PRDM16: variants seen among roughly 807,000 people sequenced by gnomAD.
PRDM16 encodes histone-lysine N-methyltransferase PRDM16.
In PRDM16, 23 loss-of-function variants were observed where a neutral mutation model predicts 110.6. The ratio of observed to expected loss-of-function variants is 0.21; its 90% confidence interval spans 0.15 to 0.29. The LOEUF is 0.29. Ranked by LOEUF, PRDM16 falls within the 10% of genes least tolerant of loss-of-function variation. The pLI is 1.00. For synonymous variants in PRDM16, 799 were observed against 781.8 expected (o/e 1.02, Z -0.37); for missense variants, 1,615 against 1,794.3 (o/e 0.90, Z 1.81).
At chr1:3,247,613 CCT>C (rs2100920194) in intron 3 of PRDM16, among the ~76,000 whole-genome samples, 1 of 152,378 alleles carries the variant, frequency 6.6e-6, no homozygotes, top group South Asian at 2.1e-4. Context: ...TCCCGCGTTC[CCT>C]CTGTCTCACA....
At chr1:3,285,560 G>T (rs1178768839) in intron 3 of PRDM16, among the ~76,000 whole-genome samples, 2 of 152,190 alleles carry the variant, frequency 1.3e-5, no homozygotes, top group South Asian at 2.1e-4. Context: ...GGAGCTTGGA[G>T]CTGTGACATG....
At chr1:3,134,914 G>A (rs1379026214) in intron 1 of PRDM16, among the ~76,000 whole-genome samples, 1 of 152,206 alleles carries the variant, frequency 6.6e-6, no homozygotes, top group East Asian at 1.9e-4. Context: ...ATCGGGCCGG[G>A]TATTAGCCGG....
rs551275903 is a variant in PRDM16, at chr1:3,435,950, G to A, written c.*2139G>A. On this transcript the variant is annotated 3_prime_UTR_variant, in exon 17 of 17. Coordinates refer to ENST00000270722, the MANE Select transcript of PRDM16 (RefSeq NM_022114.4). Reference sequence around the variant, plus strand: ...CATGGGGTGGCCCCGCCGGGGCAGCGGGGGAGCTGCCTGCAGAAGAGCCAG... The same window carrying A: ...CATGGGGTGGCCCCGCCGGGGCAGCAGGGGAGCTGCCTGCAGAAGAGCCAG... 4.1e-4 allele frequency: 94 copies of A among 230,542 alleles called. 1 individual carries two copies. Among genetic ancestry groups the A allele is most frequent in the East Asian group, 3.7e-3 (60 of 16,270 alleles). 14.3% of individuals were successfully genotyped at this position (230,542 alleles called of 1,614,324 possible). A position where few individuals can be genotyped will look rare whatever the true frequency, so the allele number is the denominator to read the frequency against.
Position 3,402,810 on chromosome 1 carries a change from T to C in PRDM16, c.696T>C (p.Cys232=), listed in dbSNP as rs777030346. The C allele has an allele frequency of 6.2e-7, 1 of 1,612,382 alleles. No individual in the cohort carries two copies. The highest frequency in any genetic ancestry group is 2.2e-5 in the East Asian group (1 of 44,830). ...TTGCAGAGGAGCCCACGTTCCGCTG[T>C]GACGAGTGTGACGAACTCTTCCAGT... is the stretch of plus-strand genomic sequence containing the variant. ...PGLDEEPTFR[C]DECDELFQSK... Residue 232 remains cysteine, a synonymous_variant, in exon 6 of 17, where the codon TGT becomes TGC. Transcript: ENST00000270722.
rs1010115277 is a variant in PRDM16, at chr1:3,290,810, C to T, written c.438+46673C>T. Among the ~76,000 whole-genome samples the T allele has an allele frequency of 8.5e-5, 13 of 152,098 alleles. No homozygotes were observed. The highest frequency in any genetic ancestry group is 1.2e-4 in the African/African-American group (5 of 41,506). ...ACGAGATCCCTGAAACGGGATACGC[C>T]GAGCTGAACTTGGCCACATAATGCC... On this transcript the variant is annotated intron_variant, in intron 3 of 16. Coordinates refer to ENST00000270722, the MANE Select transcript of PRDM16 (RefSeq NM_022114.4). The surrounding 1 kb of genome is among the most constrained non-coding windows in gnomAD (Gnocchi z 4.8).
At chr1:3,364,820 G>A (rs1642781205) in intron 3 of PRDM16, among the ~76,000 whole-genome samples, 1 of 152,252 alleles carries the variant, frequency 6.6e-6, no homozygotes, top group Admixed American at 6.5e-5. Flanking sequence ...CCCCGAGCAG[G>A]ACACGTTGCT....
chr1:3,431,721 C>T (rs1638774282), intron 15 of PRDM16, among the ~76,000 whole-genome samples: 2 of 152,196 alleles, frequency 1.3e-5, no homozygotes, highest in African/African-American at 4.8e-5. Flanking sequence ...CCTGAGCCCC[C>T]TGCCTGCTGC....
rs1640275177 is a variant in PRDM16 at position 3,265,865 on chromosome 1, T to G, written c.438+21728T>G. ...CAGGTCCTTCGCTCTCTATGATCCCTTTACGGTCGTGCAGTGCTCCCCAGG... is the reference window on the plus strand; with the variant it reads ...CAGGTCCTTCGCTCTCTATGATCCCGTTACGGTCGTGCAGTGCTCCCCAGG... On this transcript the variant is annotated intron_variant, in intron 3 of 16. Coordinates refer to ENST00000270722, the MANE Select transcript of PRDM16 (RefSeq NM_022114.4). This position sits in a 1 kb window ranked among gnomAD's most constrained non-coding sequence, Gnocchi z 4.5. Among the ~76,000 whole-genome samples, 1 of 152,100 alleles carries G rather than the reference T, an allele frequency of 6.6e-6. No homozygotes were observed.
chr1:3,138,003 T>A (rs551482211), intron 1 of PRDM16, among the ~76,000 whole-genome samples: 49 of 152,176 alleles, frequency 3.2e-4, no homozygotes, highest in Non-Finnish European at 6.8e-4. Context: ...CGGAGGGGCC[T>A]GTGTGCAGAG....
chr1:3,385,351 G>A, intron 4 of PRDM16, 65 bp downstream of exon 4: 1 of 1,566,436 alleles, frequency 6.4e-7, no homozygotes, highest in South Asian at 1.1e-5. Context: ...GTGGCACCAA[G>A]ATTGGTGGAG....
intron 3 of PRDM16, among the ~76,000 whole-genome samples, chr1:3,262,782 C>T (rs994747736): frequency 2.6e-5 from 4 of 151,356 alleles, no homozygotes; most frequent in South Asian, 2.1e-4. Context: ...GTCCCAGGGA[C>T]GACACCTGCG....
At chr1:3,219,192 C>T (rs1183058813) in intron 2 of PRDM16, among the ~76,000 whole-genome samples, 3 of 152,244 alleles carry the variant, frequency 2.0e-5, no homozygotes, top group African/African-American at 2.4e-5. Flanking sequence ...ACGGCTCCCT[C>T]GGCAAACATT....
rs530341456 is a variant in PRDM16, at chr1:3,332,944, C to T, written c.439-52208C>T. Among the ~76,000 whole-genome samples the T allele has an allele frequency of 5.1e-3, 776 of 152,250 alleles. 4 individuals are homozygous for T. Among genetic ancestry groups the T allele is most frequent in the Middle Eastern group, 0.014 (4 of 294 alleles). ...TCCTCACTGTAGCGTGGGCCAGTGC[C>T]TCACTCCTTTTCTTGGCTAATATTC... On this transcript the variant is annotated intron_variant, in intron 3 of 16. Coordinates refer to ENST00000270722, the MANE Select transcript of PRDM16 (RefSeq NM_022114.4).
At chr1:3,114,442 C>G (rs376183562) in intron 1 of PRDM16, among the ~76,000 whole-genome samples, 3 of 137,636 alleles carry the variant, frequency 2.2e-5, no homozygotes, top group Non-Finnish European at 4.5e-5. Context: ...TGTAAACAGA[C>G]GCACACGCAC....
chr1:3,348,330 A>T (rs1446777021), intron 3 of PRDM16, among the ~76,000 whole-genome samples: 1 of 152,226 alleles, frequency 6.6e-6, no homozygotes, highest in Non-Finnish European at 1.5e-5. Flanking sequence ...TTTTGGAGCA[A>T]CTACTCGGCT....
rs771526725 is a variant in PRDM16, at chr1:3,411,569, G to C, written c.1372G>C (p.Ala458Pro). 5.6e-6 allele frequency: 9 copies of C among 1,614,040 alleles called. No homozygotes were observed. The East Asian group carries it at 2.0e-4, about 36-fold the overall frequency. Residue 458 changes from alanine to proline, a missense_variant, in exon 9 of 17, where the codon GCC becomes CCC. Physicochemically the swap from Ala to Pro is conservative, Grantham distance 27. Transcript: ENST00000270722. ...KNHYTPGGIF[A>P]PGLPLTPSPM... ...CCATTACACGCCGGGCGGCATCTTT[G>C]CCCCGGGCCTGCCCTTGACCCCCAG...
chr1:3,425,023 A>T lies in PRDM16; in HGVS notation c.2940-558A>T. ...GCCCAGGGGACACGGGGCACACTCC[A>T]GGGGGATCCACCAGCCAGCCACAGA... is the stretch of plus-strand genomic sequence containing the variant. On this transcript the variant is annotated intron_variant, in intron 12 of 16. Transcript: ENST00000270722. The surrounding 1 kb of genome is among the most constrained non-coding windows in gnomAD (Gnocchi z 6.9). The T allele has an allele frequency of 6.6e-6, 1 of 152,268 alleles. No homozygotes were observed. Among genetic ancestry groups the T allele is most frequent in the Non-Finnish European group, 1.4e-5 (1 of 69,500 alleles). The allele number at this position is 152,268 out of a possible 1,614,324, so 9.4% of individuals were successfully genotyped here.
At chr1:3,267,998 C>T (rs542201058) in intron 3 of PRDM16, among the ~76,000 whole-genome samples, 7 of 152,358 alleles carry the variant, frequency 4.6e-5, no homozygotes, top group African/African-American at 1.4e-4. Flanking sequence ...GCAAGCAACG[C>T]GGGTGCAAAA....
intron 1 of PRDM16, among the ~76,000 whole-genome samples, chr1:3,170,501 C>T (rs1006917728): frequency 1.3e-5 from 2 of 152,192 alleles, no homozygotes; most frequent in Admixed American, 6.5e-5. Flanking sequence ...CTCCTGGCCC[C>T]GAGAGCCGGA....
Sources: gnomAD v4.1 joint callset for allele counts (sites outside exome capture counted in the v4.1 genomes callset) on GRCh38, gnomAD v4.1.1 for gene constraint, Gnocchi (gnomAD v3.1) non-coding constraint, MANE v1.5 for transcripts, NCBI Gene and HGNC (gene_info 2026-07-23, HGNC 2026-07-21) for gene names.